Variants in PTCH1 observed in about 807,000 individuals in gnomAD.
PTCH1 encodes the protein patched 1.
Under a neutral mutation model 144.6 loss-of-function variants are expected in PTCH1, and 14 were observed. The ratio of observed to expected loss-of-function variants is 0.10; its 90% CI spans 0.06 to 0.15. The LOEUF is 0.15. Among genes scored for constraint, PTCH1 ranks in the 10% least tolerant of loss-of-function variants. PTCH1 has a pLI of 1.00. For synonymous variants in PTCH1, 833 were observed against 793.6 expected (o/e 1.05, Z -0.83); for missense variants, 1,623 against 1,948.3 (o/e 0.83, Z 3.14).
In PTCH1 at chr9:95,480,612, G is replaced by A. The variant is rs774764419; in HGVS notation, c.747-24C>T. On this transcript the variant is annotated intron_variant, in intron 5 of 23. Coordinates refer to ENST00000331920, the MANE Select transcript of PTCH1 (RefSeq NM_000264.5). ...CTCTGCAAAAGAAATTAGGAGACGA[G>A]ACCATGAAAAGAGCCTTCTAAACGC... is the stretch of plus-strand genomic sequence containing the variant. 3 of 1,603,476 alleles carry A rather than the reference G, an allele frequency of 1.9e-6. No homozygotes were observed. The South Asian group carries it at 3.3e-5, about 18-fold the overall frequency.
chr9:95,512,862 C>G (rs776603777), upstream of PTCH1, among the ~76,000 whole-genome samples: 1 of 152,226 alleles, frequency 6.6e-6, no homozygotes, highest in Non-Finnish European at 1.5e-5. Context: ...TATCAGCCAG[C>G]AGGAGTTGCC....
At chr9:95,467,955 G>A (rs1339811238) in intron 14 of PTCH1, among the ~76,000 whole-genome samples, 1 of 151,876 alleles carries the variant, frequency 6.6e-6, no homozygotes, top group Non-Finnish European at 1.5e-5. Context: ...CTCCCAGGAT[G>A]GAGTGCAGTG....
rs762855028 is a variant in PTCH1, at chr9:95,467,215, C to T, written c.2461G>A (p.Asp821Asn). 25 of 1,613,930 alleles carry T rather than the reference C, an allele frequency of 1.5e-5. No individual in the cohort carries two copies. The highest frequency in any genetic ancestry group is 6.6e-5 in the South Asian group (6 of 91,052). The change falls in exon 15 of 24, where the codon GAC becomes AAC. Residue 821 changes from aspartate to asparagine, a missense_variant. Coordinates refer to ENST00000331920, the MANE Select transcript of PTCH1 (RefSeq NM_000264.5). ...DYPNIQHLLY[D>N]LHRSFSNVKY... Reference sequence around the variant, plus strand: ...ACGTTACTGAAACTCCTGTGTAGGTCGTAAAGTAAGTGCTGGATATTCGGG... The same window carrying T: ...ACGTTACTGAAACTCCTGTGTAGGTTGTAAAGTAAGTGCTGGATATTCGGG...
intron 2 of PTCH1, among the ~76,000 whole-genome samples, chr9:95,487,695 G>A (rs987511219): frequency 2.4e-4 from 37 of 152,180 alleles, no homozygotes; most frequent in Non-Finnish European, 3.2e-4. Context: ...CTTTCTTTGT[G>A]TTATCACATC....
At chr9:95,479,871 T>C (rs2118380855) in intron 7 of PTCH1, 98 bp downstream of exon 7, 1 of 1,577,354 alleles carries the variant, frequency 6.3e-7, no homozygotes. Context: ...ACGGTTTAAG[T>C]ATTAATACAA....
chr9:95,476,259 A>G lies in PTCH1; in HGVS notation c.1603-100T>C. On this transcript the variant is annotated intron_variant, in intron 11 of 23. Transcript: ENST00000331920. This position sits in a 1 kb window ranked among gnomAD's most constrained non-coding sequence, Gnocchi z 4.6. The stretch of plus-strand genomic sequence containing the variant: ...TACGTGGCAGAATAACACAACTGTT[A>G]TTACAGCTTATCATGCTGGCATTAG... The G allele has an allele frequency of 3.3e-6, 5 of 1,502,058 alleles. No homozygotes were observed. Among genetic ancestry groups the G allele is most frequent in the Non-Finnish European group, 4.5e-6 (5 of 1,112,876 alleles). The allele number at this position is 1,502,058 out of a possible 1,614,324, so 93.0% of individuals were successfully genotyped here. A position where few individuals can be genotyped will look rare whatever the true frequency, so the allele number is the denominator to read the frequency against.
upstream of PTCH1, among the ~76,000 whole-genome samples, chr9:95,509,808 C>A (rs1034046601): frequency 6.6e-6 from 1 of 152,074 alleles, no homozygotes; most frequent in African/African-American, 2.4e-5. Flanking sequence ...CTGGATAGTG[C>A]GCCAGTGTGT....
chr9:95,501,333 C>G (rs1288332904), intron 2 of PTCH1, among the ~76,000 whole-genome samples: 1 of 151,972 alleles, frequency 6.6e-6, no homozygotes, highest in Non-Finnish European at 1.5e-5. Flanking sequence ...CCCCCAACAA[C>G]AGAGGATGAT....
intron 1 of PTCH1, chr9:95,514,284 C>T (rs1195171612): frequency 6.6e-6 from 1 of 152,222 alleles, no homozygotes; most frequent in East Asian, 1.9e-4. Flanking sequence ...CCTACAACAC[C>T]CAGACTTTGA....
Position 95,446,411 on chromosome 9 carries a change from A to C in PTCH1, c.*2-20T>G. 1 of 518,766 alleles carries C rather than the reference A, an allele frequency of 1.9e-6. No individual in the cohort carries two copies. Among genetic ancestry groups the C allele is most frequent in the Non-Finnish European group, 3.8e-6 (1 of 259,942 alleles). The allele number at this position is 518,766 out of a possible 1,614,324, so 32.1% of individuals were successfully genotyped here. ...ATCACCCTTTAAAAGGAAGCAAAAAAGGAAGTTGAACAGAGTAAGAGGTGT... is the reference window on the plus strand; with the variant it reads ...ATCACCCTTTAAAAGGAAGCAAAAACGGAAGTTGAACAGAGTAAGAGGTGT... On this transcript the variant is annotated intron_variant, in intron 23 of 23. Coordinates refer to ENST00000331920, the MANE Select transcript of PTCH1 (RefSeq NM_000264.5).
intron 2 of PTCH1, among the ~76,000 whole-genome samples, chr9:95,497,240 T>C (rs1393727834): frequency 1.3e-5 from 2 of 152,196 alleles, no homozygotes; most frequent in South Asian, 2.1e-4. Context: ...TTAGGCTATC[T>C]GGAAGGATAG....
Position 95,467,191 on chromosome 9 carries a change from C to A in PTCH1, c.2485G>T (p.Val829Leu), listed in dbSNP as rs201125580. 2 of 1,614,194 alleles carry A rather than the reference C, an allele frequency of 1.2e-6. No homozygotes were observed. Among genetic ancestry groups the A allele is most frequent in the East Asian group, 2.2e-5 (1 of 44,890 alleles). Residue 829 changes from valine to leucine, a missense_variant, in exon 15 of 24, where the codon GTG becomes TTG. Physicochemically the swap from Val to Leu is conservative, Grantham distance 32 (BLOSUM62 1). Transcript: ENST00000331920. ...TTTTCTTCCAACATGACATACTTCA[C>A]GTTACTGAAACTCCTGTGTAGGTCG... The part of the protein sequence containing the change: ...LYDLHRSFSN[V>L]KYVMLEENKQ...
At chr9:95,485,538 A>G in intron 3 of PTCH1, 147 bp downstream of exon 3, 1 of 954,296 alleles carries the variant, frequency 1.0e-6, no homozygotes, top group Non-Finnish European at 1.6e-6. Context: ...GATGAAAAAA[A>G]TCCTTTCATT....
At chr9:95,506,986 G>C in intron 1 of PTCH1, 2 of 1,001,470 alleles carry the variant, frequency 2.0e-6, no homozygotes, top group Non-Finnish European at 2.4e-6. Context: ...TGGAGCCCAA[G>C]GTTCAGGAGC....
intron 1 of PTCH1, chr9:95,507,933 C>T (rs1587699075): frequency 3.5e-6 from 5 of 1,440,732 alleles, no homozygotes; most frequent in South Asian, 2.7e-5. Flanking sequence ...CACACACACA[C>T]CTCCACCCCC....
Position 95,449,038 on chromosome 9 carries a change from C to A in PTCH1, c.3804+31G>T, listed in dbSNP as rs746708425. ...CAGGCCCACTACCACGGTGGGAAGA[C>A]CCCTCCCCCTGGTTCTGCAGAGTCA... On this transcript the variant is annotated intron_variant, in intron 22 of 23. Coordinates refer to ENST00000331920, the MANE Select transcript of PTCH1 (RefSeq NM_000264.5). This position sits in a 1 kb window ranked among gnomAD's most constrained non-coding sequence, Gnocchi z 5.3. The A allele has an allele frequency of 1.2e-6, 2 of 1,612,906 alleles. No homozygotes were observed. Among genetic ancestry groups the A allele is most frequent in the Admixed American group, 1.7e-5 (1 of 60,016 alleles).
At chr9:95,468,689 G>A (rs2118013970) in intron 14 of PTCH1, 62 bp downstream of exon 14, 2 of 1,583,598 alleles carry the variant, frequency 1.3e-6, no homozygotes, top group South Asian at 2.2e-5. Context: ...GCAATCTGAT[G>A]AACTCCAAAG....
At chr9:95,455,361 G>A (rs1838819660) in intron 19 of PTCH1, among the ~76,000 whole-genome samples, 1 of 152,222 alleles carries the variant, frequency 6.6e-6, no homozygotes, top group Non-Finnish European at 1.5e-5. Context: ...GATTGCAAAA[G>A]CAATGGCGGA....
At chr9:95,506,764 G>T in intron 1 of PTCH1, 165 bp from the exon 2 acceptor site, 1 of 1,054,734 alleles carries the variant, frequency 9.5e-7, no homozygotes, top group Non-Finnish European at 1.2e-6. Context: ...GGATCTGAGC[G>T]TCATGGGGGG....
Sources: allele counts gnomAD v4.1 joint callset (sites outside exome capture counted in the v4.1 genomes callset), GRCh38; gene constraint gnomAD v4.1.1; non-coding constraint Gnocchi (gnomAD v3.1); transcripts MANE v1.5; gene names NCBI Gene and HGNC (gene_info 2026-07-23, HGNC 2026-07-21).